The following LOC400499 variants were observed in gnomAD, a reference collection of about 807,000 sequenced individuals.
At chr16:11,417,651 A>C in the LOC400499 span, 1 of 399,186 alleles carries the variant, frequency 2.5e-6, no homozygotes, top group Non-Finnish European at 4.4e-6. Flanking sequence ...GCAGCTCAGC[A>C]CTAAGGCAGG....
At chr16:11,396,764 C>G in the LOC400499 span, 14 of 1,085,664 alleles carry the variant, frequency 1.3e-5, no homozygotes, top group African/African-American at 2.1e-4. Context: ...GCAGCAGCAG[C>G]TGCCACCTCC....
the LOC400499 span, among the ~76,000 whole-genome samples, chr16:11,515,370 C>T: frequency 2.0e-5 from 3 of 152,060 alleles, no homozygotes; most frequent in South Asian, 4.2e-4. Flanking sequence ...ACAGGAGGAT[C>T]GCTTGAGGCC....
chr16:11,427,824 T>A, the LOC400499 span, among the ~76,000 whole-genome samples: 1 of 152,198 alleles, frequency 6.6e-6, no homozygotes, highest in African/African-American at 2.4e-5. Context: ...GCAGGGAGAA[T>A]TGTAAGCACA....
At chr16:11,500,234 G>C in the LOC400499 span, among the ~76,000 whole-genome samples, 1 of 152,126 alleles carries the variant, frequency 6.6e-6, no homozygotes, top group Non-Finnish European at 1.5e-5. Flanking sequence ...ACAGTCGGGC[G>C]TGGTGGCTCA....
the LOC400499 span, chr16:11,469,027 T>A: frequency 5.0e-6 from 2 of 396,798 alleles, no homozygotes; most frequent in Non-Finnish European, 8.9e-6. Context: ...CATTTCTGGG[T>A]AATAGAACTA....
chr16:11,461,597 G>A, the LOC400499 span, among the ~76,000 whole-genome samples: 1 of 152,176 alleles, frequency 6.6e-6, no homozygotes, highest in Non-Finnish European at 1.5e-5. Flanking sequence ...GGGTTGTTGG[G>A]TAAATTTCAC....
chr16:11,482,625 T>C, the LOC400499 span, among the ~76,000 whole-genome samples: 1 of 152,152 alleles, frequency 6.6e-6, no homozygotes, highest in South Asian at 2.1e-4. Flanking sequence ...CCATGGTGGG[T>C]CACACCTGTA....
chr16:11,484,927 G>A, the LOC400499 span: 25 of 399,306 alleles, frequency 6.3e-5, no homozygotes, highest in Non-Finnish European at 9.3e-5. Flanking sequence ...CTGGACACTC[G>A]GGGCTGGCTG....
the LOC400499 span, chr16:11,448,066 T>C: frequency 6.5e-7 from 1 of 1,534,724 alleles, no homozygotes; most frequent in Non-Finnish European, 8.7e-7. Flanking sequence ...CACCTGGGTC[T>C]TCCGGGGCTG....
the LOC400499 span, among the ~76,000 whole-genome samples, chr16:11,412,487 A>G: frequency 6.6e-6 from 1 of 152,212 alleles, no homozygotes; most frequent in Non-Finnish European, 1.5e-5. Flanking sequence ...CTGAGACCTG[A>G]GGGCTAGAGC....
At chr16:11,484,985 G>A in the LOC400499 span, 5 of 399,210 alleles carry the variant, frequency 1.3e-5, no homozygotes, top group African/African-American at 6.2e-5. Context: ...CTCTGGCTCA[G>A]GCTCTCTCCC....
At chr16:11,385,376 G>A in the LOC400499 span, 13 of 1,232,174 alleles carry the variant, frequency 1.1e-5, no homozygotes, top group Middle Eastern at 3.1e-4. Flanking sequence ...CCCGGCCGTC[G>A]AAGGTCACCA....
the LOC400499 span, among the ~76,000 whole-genome samples, chr16:11,485,313 C>G: frequency 6.6e-6 from 1 of 152,098 alleles, no homozygotes; most frequent in African/African-American, 2.4e-5. Flanking sequence ...AGGCTTGGTT[C>G]AAATGTCATC....
the LOC400499 span, chr16:11,439,440 A>T: frequency 2.5e-6 from 1 of 398,806 alleles, no homozygotes; most frequent in African/African-American, 2.1e-5. Context: ...CTCAGAGACA[A>T]CCCTTGGCAG....
chr16:11,500,779 C>A, the LOC400499 span: 9 of 398,920 alleles, frequency 2.3e-5, no homozygotes, highest in African/African-American at 1.4e-4. Context: ...GACACCGGGG[C>A]CCCGGGTGGG....
chr16:11,446,688 C>T, the LOC400499 span: 2 of 1,532,400 alleles, frequency 1.3e-6, no homozygotes, highest in African/African-American at 1.4e-5. Flanking sequence ...AGTGAGGAGG[C>T]AGCTGGGGCC....
chr16:11,415,791 G>A, the LOC400499 span, among the ~76,000 whole-genome samples: 15,597 of 152,078 alleles, frequency 0.1, 799 homozygotes, highest in Middle Eastern at 0.19. Flanking sequence ...CTAGAGCGGC[G>A]TGGAGGTGGT....
At chr16:11,487,125 G>A in the LOC400499 span, 1 of 396,938 alleles carries the variant, frequency 2.5e-6, no homozygotes, top group Non-Finnish European at 4.4e-6. Flanking sequence ...ATGGGCAGGT[G>A]GGTGACTAGA....
At chr16:11,447,916 C>G in the LOC400499 span, 2 of 1,530,322 alleles carry the variant, frequency 1.3e-6, no homozygotes, top group Non-Finnish European at 1.7e-6. Flanking sequence ...GTCAGCTGAG[C>G]AGAAGGGGCG....
Sources: gnomAD v4.1 joint callset for allele counts (sites outside exome capture counted in the v4.1 genomes callset) on GRCh38, gnomAD v4.1.1 for gene constraint, MANE v1.5 for transcripts.